The following AFG1L variants were observed in gnomAD, a reference collection of about 807,000 sequenced individuals.
AFG1L encodes the protein AFG1 like ATPase, also known as AFG1-like ATPase.
In AFG1L, 53 loss-of-function variants were observed where a neutral mutation model predicts 62.2. That is an observed-to-expected ratio of 0.85 (90% CI 0.68 to 1.07). AFG1L has a LOEUF of 1.07. AFG1L is among the 50% of genes least tolerant of loss of function. AFG1L has a pLI of 0.00. For missense variants in AFG1L, 555 were observed against 590.5 expected, an observed-to-expected ratio of 0.94 and a Z score of 0.62; for synonymous variants, 228 against 210.3, an observed-to-expected ratio of 1.08 and a Z score of -0.73.
At chr6:108,488,346 T>C (rs1159280869) in intron 10 of AFG1L, among the ~76,000 whole-genome samples, 1 of 152,072 alleles carries the variant, frequency 6.6e-6, no homozygotes, top group Non-Finnish European at 1.5e-5. Context: ...TGAGGCAGAT[T>C]ATAATTAGTA....
chr6:108,506,244 T>C (rs1032500094), intron 10 of AFG1L, among the ~76,000 whole-genome samples: 1 of 152,216 alleles, frequency 6.6e-6, no homozygotes, highest in South Asian at 2.1e-4. Context: ...AAGGTCTCTG[T>C]CGACCAGGCT....
At chr6:108,311,519 GTTTT>G (rs1287082834) in intron 1 of AFG1L, among the ~76,000 whole-genome samples, 1 of 151,920 alleles carries the variant, frequency 6.6e-6, no homozygotes, top group Non-Finnish European at 1.5e-5. Flanking sequence ...TTGCTTGTTT[GTTTT>G]GTTTTTGTTT....
At chr6:108,422,181 T>G (rs1014118035) in intron 7 of AFG1L, among the ~76,000 whole-genome samples, 6 of 151,976 alleles carry the variant, frequency 3.9e-5, no homozygotes, top group African/African-American at 1.4e-4. Flanking sequence ...CTGCAAACTT[T>G]GTTTATGCAA....
intron 8 of AFG1L, among the ~76,000 whole-genome samples, chr6:108,465,165 G>A (rs1772614464): frequency 6.6e-6 from 1 of 152,082 alleles, no homozygotes; most frequent in African/African-American, 2.4e-5. Context: ...AAGCTGAACG[G>A]GATATTTTCT....
intron 10 of AFG1L, among the ~76,000 whole-genome samples, chr6:108,488,847 G>A (rs764785162): frequency 6.6e-6 from 1 of 152,068 alleles, no homozygotes; most frequent in Non-Finnish European, 1.5e-5. Context: ...GCGAGACTCT[G>A]TCTCCAGAAA....
At chr6:108,484,387 G>T (rs1773442957) in intron 10 of AFG1L, among the ~76,000 whole-genome samples, 1 of 152,180 alleles carries the variant, frequency 6.6e-6, no homozygotes, top group Non-Finnish European at 1.5e-5. Context: ...TTCTTGTAGG[G>T]AGGAATATGA....
intron 7 of AFG1L, among the ~76,000 whole-genome samples, chr6:108,435,350 T>G (rs1000282696): frequency 1.3e-5 from 2 of 152,110 alleles, no homozygotes; most frequent in Non-Finnish European, 2.9e-5. Flanking sequence ...AGGGAATGGC[T>G]CTGTGAGGCT....
chr6:108,369,155 A>C (rs910950844), intron 6 of AFG1L, among the ~76,000 whole-genome samples: 1 of 152,188 alleles, frequency 6.6e-6, no homozygotes, highest in Middle Eastern at 3.2e-3. Context: ...ACTCAGAGAG[A>C]CTAAGCATAT....
intron 8 of AFG1L, among the ~76,000 whole-genome samples, chr6:108,448,890 C>T (rs535614365): frequency 6.6e-6 from 1 of 152,218 alleles, no homozygotes; most frequent in East Asian, 1.9e-4. Flanking sequence ...TGGCTCATGC[C>T]TATAATCCAG....
intron 6 of AFG1L, among the ~76,000 whole-genome samples, chr6:108,399,673 CTTTTTTT>C (rs1215452077): frequency 0.028 from 2,360 of 84,868 alleles, 85 homozygotes; most frequent in Admixed American, 0.1. Context: ...AATAGTTTTC[CTTTTTTT>C]TTTTTTTTTT....
At chr6:108,399,334 C>T (rs1250012823) in intron 6 of AFG1L, among the ~76,000 whole-genome samples, 8 of 151,676 alleles carry the variant, frequency 5.3e-5, no homozygotes, top group Middle Eastern at 6.8e-3. Context: ...ACAACAGGTG[C>T]GTGCCACCAC....
At chr6:108,399,288 AG>A (rs1309290273) in intron 6 of AFG1L, among the ~76,000 whole-genome samples, 1 of 144,746 alleles carries the variant, frequency 6.9e-6, no homozygotes, top group Non-Finnish European at 1.5e-5. Flanking sequence ...CCTGGGTTCA[AG>A]CGATTTCCCT....
chr6:108,381,702 C>T (rs1165607813), intron 6 of AFG1L, among the ~76,000 whole-genome samples: 1 of 152,208 alleles, frequency 6.6e-6, no homozygotes, highest in Non-Finnish European at 1.5e-5. Flanking sequence ...AATTTCATGA[C>T]ATTCCAATAG....
At chr6:108,520,233 A>G (rs566274287) in intron 12 of AFG1L, 117 of 158,820 alleles carry the variant, frequency 7.4e-4, no homozygotes, top group African/African-American at 2.7e-3. Flanking sequence ...TACAGTATCC[A>G]AGCATGTAGG....
At chr6:108,398,538 T>C (rs1347370637) in intron 6 of AFG1L, among the ~76,000 whole-genome samples, 1 of 152,208 alleles carries the variant, frequency 6.6e-6, no homozygotes, top group Admixed American at 6.5e-5. Flanking sequence ...CTCAGACCAA[T>C]GTCCTGGAGA....
chr6:108,407,342 C>A (rs768329719), intron 7 of AFG1L, among the ~76,000 whole-genome samples: 2 of 152,010 alleles, frequency 1.3e-5, no homozygotes, highest in African/African-American at 4.8e-5. Flanking sequence ...ATATTTCCAT[C>A]GGCATTTCTG....
intron 8 of AFG1L, among the ~76,000 whole-genome samples, chr6:108,461,152 A>G (rs1772449394): frequency 6.6e-6 from 1 of 152,206 alleles, no homozygotes; most frequent in South Asian, 2.1e-4. Context: ...ATTCAAACTG[A>G]GATGTCTCAG....
At chr6:108,375,354 T>TA (rs1780198649) in intron 6 of AFG1L, among the ~76,000 whole-genome samples, 1 of 152,062 alleles carries the variant, frequency 6.6e-6, no homozygotes. Flanking sequence ...GGCTAGCACT[T>TA]ACAGTACATG....
At chr6:108,300,502 G>A (rs889221513) in intron 1 of AFG1L, among the ~76,000 whole-genome samples, 3 of 151,838 alleles carry the variant, frequency 2.0e-5, no homozygotes, top group Non-Finnish European at 4.4e-5. Context: ...ATATGAATTG[G>A]TATAGTTTAT....
Sources: allele counts gnomAD v4.1 joint callset (sites outside exome capture counted in the v4.1 genomes callset), GRCh38; gene constraint gnomAD v4.1.1; transcripts MANE v1.5; gene names NCBI Gene and HGNC (gene_info 2026-07-23, HGNC 2026-07-21).